Variants in CREB5 observed in about 807,000 individuals in gnomAD.
CREB5 encodes cyclic AMP-responsive element-binding protein 5.
Under a neutral mutation model 57.1 loss-of-function variants are expected in CREB5, and 19 were observed. The ratio of observed to expected loss-of-function variants is 0.33; its 90% CI spans 0.23 to 0.49. The LOEUF is 0.49. CREB5 is among the 20% of genes least tolerant of loss of function. The pLI is 0.99. For missense variants in CREB5, 579 were observed against 671.6 expected (o/e 0.86, Z 1.52); for synonymous variants, 238 against 238.3 (o/e 1.00, Z 0.01).
At chr7:28,383,730 C>T (rs1012933989) in intron 1 of CREB5, among the ~76,000 whole-genome samples, 4 of 152,114 alleles carry the variant, frequency 2.6e-5, no homozygotes, top group Admixed American at 6.5e-5. Context: ...TCCCACCAGG[C>T]CCCACGTCCA....
In CREB5 at chr7:28,306,555, GTTTTTTT is replaced by G. The variant is rs869277871; in HGVS notation, c.-25+7131_-25+7137del. 6.4e-4 allele frequency among the ~76,000 whole-genome samples: 37 copies of G among 58,082 alleles called. 1 individual carries two copies. Among genetic ancestry groups the G allele is most frequent in the African/African-American group, 2.3e-3 (36 of 15,502 alleles). The allele number at this position is 58,082 out of a possible 152,430, so 38.1% of individuals were successfully genotyped here. ...ATACAGATACAGTTTTGTTTTTTTTGTTTTTTTTTTTTTTTTTTTTTTTGAGACGGAG... is the reference window on the plus strand; with the variant it reads ...ATACAGATACAGTTTTGTTTTTTTTGTTTTTTTTTTTTTTTTGAGACGGAG... On this transcript the variant is annotated intron_variant, in intron 1 of 9. Transcript: ENST00000396299.
chr7:28,573,487 C>T lies in CREB5; in HGVS notation c.464+2950C>T, dbSNP rs74876857. 2.8e-3 allele frequency among the ~76,000 whole-genome samples: 433 copies of T among 152,330 alleles called. 3 individuals are homozygous for T. Among genetic ancestry groups the T allele is most frequent in the Non-Finnish European group, 3.2e-3 (216 of 68,040 alleles). ...AAAGGCTGGGACCCACCTGTGCCCA[C>T]GCATAGTGCTCTTGTGCTGCGGCCA... On this transcript the variant is annotated intron_variant, in intron 5 of 10. Transcript: ENST00000357727.
At chr7:28,512,291 GAGCC>G (rs961133479) in intron 4 of CREB5, among the ~76,000 whole-genome samples, 16 of 152,308 alleles carry the variant, frequency 1.1e-4, no homozygotes, top group Non-Finnish European at 1.8e-4. Flanking sequence ...GGAGTCACCT[GAGCC>G]AGAAGTGAAT....
chr7:28,570,576 G>A (rs1386601419), intron 5 of CREB5, 39 bp downstream of exon 5: 6 of 1,594,936 alleles, frequency 3.8e-6, no homozygotes, highest in Non-Finnish European at 5.1e-6. Flanking sequence ...GTCCTGGCTG[G>A]AACTCAGGAA....
At chr7:28,653,048 G>C (rs1020283592) in intron 5 of CREB5, among the ~76,000 whole-genome samples, 1 of 152,140 alleles carries the variant, frequency 6.6e-6, no homozygotes, top group African/African-American at 2.4e-5. Flanking sequence ...AATAAAATTA[G>C]GAAAGTGAGT....
At chr7:28,813,576 G>A (rs911757862) in intron 9 of CREB5, among the ~76,000 whole-genome samples, 18 of 152,116 alleles carry the variant, frequency 1.2e-4, no homozygotes, top group African/African-American at 4.1e-4. Flanking sequence ...AAAGCTGGGG[G>A]AGGGTATATT....
At chr7:28,654,177 A>G (rs1369485353) in intron 5 of CREB5, among the ~76,000 whole-genome samples, 1 of 152,194 alleles carries the variant, frequency 6.6e-6, no homozygotes, top group East Asian at 1.9e-4. Flanking sequence ...TTAAAAATCT[A>G]AGATATACTA....
chr7:28,708,722 C>A (rs1483826025), intron 5 of CREB5, among the ~76,000 whole-genome samples: 1 of 152,188 alleles, frequency 6.6e-6, no homozygotes, highest in East Asian at 1.9e-4. Context: ...GTGGATTCCA[C>A]CACAGATTAT....
rs556957975 is a variant in CREB5 at position 28,645,815 on chromosome 7, G to A, written c.465-72938G>A. 7.2e-5 allele frequency among the ~76,000 whole-genome samples: 11 copies of A among 152,292 alleles called. No homozygotes were observed. The South Asian group carries it at 2.3e-3, about 32-fold the overall frequency. On this transcript the variant is annotated intron_variant, in intron 5 of 10. Coordinates refer to ENST00000357727, the MANE Select transcript of CREB5 (RefSeq NM_182898.4). Reference sequence around the variant, plus strand: ...GTATTCTTTCTGGGTATATGAGAGTGTTTTCAGTAGAAATTAGCATTTGGA... The same window carrying A: ...GTATTCTTTCTGGGTATATGAGAGTATTTTCAGTAGAAATTAGCATTTGGA...
chr7:28,355,654 A>G (rs1396490928), intron 1 of CREB5, among the ~76,000 whole-genome samples: 1 of 152,194 alleles, frequency 6.6e-6, no homozygotes, highest in Non-Finnish European at 1.5e-5. Flanking sequence ...TGGTATTCGC[A>G]TGTACAGCAT....
intron 1 of CREB5, among the ~76,000 whole-genome samples, chr7:28,446,386 C>T (rs960694455): frequency 3.3e-5 from 5 of 152,184 alleles, no homozygotes; most frequent in Non-Finnish European, 7.3e-5. Context: ...AAGTCTTCAT[C>T]GCCCTTTTCT....
In CREB5 at chr7:28,726,241, C is replaced by T. The variant is rs2128749974; in HGVS notation, c.702+1909C>T. Among the ~76,000 whole-genome samples the T allele has an allele frequency of 1.3e-5, 2 of 152,222 alleles. 1 individual carries two copies. Among genetic ancestry groups the T allele is most frequent in the South Asian group, 4.1e-4 (2 of 4,828 alleles). Reference sequence around the variant, plus strand: ...AATGAACTCTATCATAGGGTTGGGGCTTAGGGAGTACAGCTATTCTCTGCC... The same window carrying T: ...AATGAACTCTATCATAGGGTTGGGGTTTAGGGAGTACAGCTATTCTCTGCC... On this transcript the variant is annotated intron_variant, in intron 7 of 10. Coordinates refer to ENST00000357727, the MANE Select transcript of CREB5 (RefSeq NM_182898.4).
chr7:28,619,332 C>G (rs1407157665), intron 5 of CREB5, among the ~76,000 whole-genome samples: 1 of 152,208 alleles, frequency 6.6e-6, no homozygotes, highest in African/African-American at 2.4e-5. Flanking sequence ...TGCCATTCAT[C>G]CAACAAAGCA....
At chr7:28,494,120 TAC>T (rs1426088547) in intron 2 of CREB5, among the ~76,000 whole-genome samples, 3 of 152,236 alleles carry the variant, frequency 2.0e-5, no homozygotes, top group African/African-American at 7.2e-5. Context: ...ACTTAACTTT[TAC>T]ACTGTTGTGT....
intron 7 of CREB5, among the ~76,000 whole-genome samples, chr7:28,790,535 G>A (rs1440001762): frequency 1.3e-5 from 2 of 152,056 alleles, no homozygotes; most frequent in Non-Finnish European, 2.9e-5. Context: ...GGAAAAACTA[G>A]CAGGCACTGA....
chr7:28,369,053 A>C (rs1318495429), intron 1 of CREB5, among the ~76,000 whole-genome samples: 46 of 151,368 alleles, frequency 3.0e-4, no homozygotes, highest in Non-Finnish European at 1.2e-4. Context: ...TCAAAAAAAC[A>C]AAACAAACAA....
intron 1 of CREB5, among the ~76,000 whole-genome samples, chr7:28,418,967 T>G (rs183592017): frequency 2.0e-5 from 3 of 152,250 alleles, no homozygotes; most frequent in Non-Finnish European, 4.4e-5. Flanking sequence ...TTATTTGCAG[T>G]TAAATGGTTT....
intron 1 of CREB5, among the ~76,000 whole-genome samples, chr7:28,453,280 A>G (rs1355894162): frequency 1.3e-5 from 2 of 152,132 alleles, no homozygotes; most frequent in Non-Finnish European, 2.9e-5. Context: ...TCTACAAAAA[A>G]TCAACAAAAT....
chr7:28,704,265 C>T (rs1271433106), intron 5 of CREB5, among the ~76,000 whole-genome samples: 1 of 152,190 alleles, frequency 6.6e-6, no homozygotes, highest in Non-Finnish European at 1.5e-5. Context: ...ATGACCTCCT[C>T]GCCTACCTGT....
Sources: gnomAD v4.1 joint callset for allele counts (sites outside exome capture counted in the v4.1 genomes callset) on GRCh38, gnomAD v4.1.1 for gene constraint, MANE v1.5 for transcripts, NCBI Gene and HGNC (gene_info 2026-07-23, HGNC 2026-07-21) for gene names.